PPARGC1A: variants seen among roughly 807,000 people sequenced by gnomAD.
PPARGC1A encodes PPARG coactivator 1 alpha.
In PPARGC1A, 25 loss-of-function variants were observed where a neutral mutation model predicts 88.7. The ratio of observed to expected loss-of-function variants is 0.28; its 90% CI spans 0.21 to 0.39. The LOEUF is 0.39. Ranked by LOEUF, PPARGC1A falls within the 10% of genes least tolerant of loss-of-function variation. The pLI is 1.00. For synonymous variants in PPARGC1A, 363 were observed against 355.6 expected (o/e 1.02, Z -0.24); for missense variants, 880 against 968.7 (o/e 0.91, Z 1.22).
chr4:24,371,683 G>A, the PPARGC1A span, among the ~76,000 whole-genome samples: 1 of 151,804 alleles, frequency 6.6e-6, no homozygotes, highest in African/African-American at 2.4e-5. Flanking sequence ...GCTCATGCCT[G>A]TAATCCCAGC....
the PPARGC1A span, among the ~76,000 whole-genome samples, chr4:24,406,819 T>C: frequency 6.6e-6 from 1 of 152,168 alleles, no homozygotes; most frequent in South Asian, 2.1e-4. Context: ...GAGACCACAT[T>C]GAGCCTGGCC....
chr4:24,114,872 T>A, the PPARGC1A span, among the ~76,000 whole-genome samples: 1 of 152,156 alleles, frequency 6.6e-6, no homozygotes, highest in Non-Finnish European at 1.5e-5. Flanking sequence ...GAATCTTGTG[T>A]AGGCCATTCT....
the PPARGC1A span, among the ~76,000 whole-genome samples, chr4:24,238,661 A>G: frequency 2.0e-5 from 3 of 152,010 alleles, no homozygotes; most frequent in Admixed American, 6.6e-5. Context: ...GCTTCTCAAG[A>G]ACATTTTACC....
chr4:24,143,649 T>C, the PPARGC1A span, among the ~76,000 whole-genome samples: 27 of 151,892 alleles, frequency 1.8e-4, no homozygotes, highest in African/African-American at 4.9e-5. Flanking sequence ...AGATGATAGA[T>C]AGACAAATGT....
the PPARGC1A span, among the ~76,000 whole-genome samples, chr4:24,467,078 AAGGGAG>A: frequency 7.4e-6 from 1 of 136,024 alleles, no homozygotes. Context: ...GAAAGAAAGA[AAGGGAG>A]AGAGAGAGAG....
At chr4:24,381,684 C>T in the PPARGC1A span, among the ~76,000 whole-genome samples, 3 of 152,068 alleles carry the variant, frequency 2.0e-5, no homozygotes, top group African/African-American at 7.2e-5. Flanking sequence ...AAGAGTTGAC[C>T]AATATAAAGA....
chr4:24,059,381 A>G, the PPARGC1A span, among the ~76,000 whole-genome samples: 4 of 152,314 alleles, frequency 2.6e-5, no homozygotes, highest in African/African-American at 9.6e-5. Context: ...TAGAGGATTA[A>G]TGCTCACCCA....
At chr4:24,275,082 C>T in the PPARGC1A span, among the ~76,000 whole-genome samples, 137 of 152,334 alleles carry the variant, frequency 9.0e-4, no homozygotes, top group Non-Finnish European at 1.6e-3. Flanking sequence ...AGCCCTCACA[C>T]GGGAAGTACT....
At chr4:24,357,265 G>A in the PPARGC1A span, among the ~76,000 whole-genome samples, 1 of 152,198 alleles carries the variant, frequency 6.6e-6, no homozygotes, top group Non-Finnish European at 1.5e-5. Context: ...CTTAAGGTCA[G>A]CTTCTGGGGG....
chr4:24,091,542 A>T, the PPARGC1A span: 1 of 985,344 alleles, frequency 1.0e-6, no homozygotes, highest in African/African-American at 1.7e-5. Context: ...TCCATTGCTG[A>T]TGCTGCTTGC....
At chr4:23,925,527 CA>C in the PPARGC1A span, among the ~76,000 whole-genome samples, 4 of 151,906 alleles carry the variant, frequency 2.6e-5, no homozygotes, top group African/African-American at 9.7e-5. Flanking sequence ...AAGTGCCGCT[CA>C]AAATAAAAGA....
chr4:24,348,616 AT>A, the PPARGC1A span, among the ~76,000 whole-genome samples: 1 of 151,966 alleles, frequency 6.6e-6, no homozygotes, highest in Non-Finnish European at 1.5e-5. Flanking sequence ...TTTCCAGAGC[AT>A]TTTGCATTTC....
Position 23,793,982 on chromosome 4 carries a change from AAT to A in PPARGC1A, c.*1838_*1839del, listed in dbSNP as rs750060975. On this transcript the variant is annotated 3_prime_UTR_variant, in exon 13 of 13. Transcript: ENST00000264867. The stretch of plus-strand genomic sequence containing the variant: ...GTCTCTTTAGTAAACAAAGGAATGA[AAT>A]ATCAGTATTTATACAGGATGCATAA... 4.6e-5 allele frequency: 7 copies of A among 152,628 alleles called. No individual in the cohort carries two copies. Among genetic ancestry groups the A allele is most frequent in the Admixed American group, 2.0e-4 (3 of 15,262 alleles). 9.5% of individuals were successfully genotyped at this position (152,628 alleles called of 1,614,324 possible).
intron 2 of PPARGC1A, among the ~76,000 whole-genome samples, chr4:23,855,639 A>C (rs1730064116): frequency 6.6e-6 from 1 of 152,242 alleles, no homozygotes; most frequent in African/African-American, 2.4e-5. Flanking sequence ...TGAGTTAAGT[A>C]ATGATACTGG....
chr4:24,112,148 G>A, the PPARGC1A span, among the ~76,000 whole-genome samples: 4 of 152,106 alleles, frequency 2.6e-5, no homozygotes, highest in Admixed American at 1.3e-4. Flanking sequence ...CTCTAAGTCA[G>A]GAATGACAAG....
intron 2 of PPARGC1A, among the ~76,000 whole-genome samples, chr4:23,843,800 T>G (rs73097618): frequency 0.086 from 13,046 of 152,062 alleles, 637 homozygotes; most frequent in East Asian, 0.19. Flanking sequence ...ACATGATCAC[T>G]GACTGCTTGC....
chr4:24,311,496 C>T, the PPARGC1A span, among the ~76,000 whole-genome samples: 3 of 151,320 alleles, frequency 2.0e-5, no homozygotes, highest in East Asian at 4.0e-4. Flanking sequence ...AAAAATTAGC[C>T]GGGCGCAGTG....
chr4:24,018,823 C>T, the PPARGC1A span, among the ~76,000 whole-genome samples: 151 of 152,060 alleles, frequency 9.9e-4, 1 homozygote, highest in Non-Finnish European at 8.8e-4. Context: ...GGGGACCTCA[C>T]CTCATTTTAA....
the PPARGC1A span, among the ~76,000 whole-genome samples, chr4:23,997,091 A>T: frequency 2.5e-4 from 38 of 152,314 alleles, no homozygotes; most frequent in African/African-American, 8.4e-4. Flanking sequence ...TCTTCTGGTT[A>T]AGATTTGAGT....
Sources: gnomAD v4.1 joint callset for allele counts (sites outside exome capture counted in the v4.1 genomes callset) on GRCh38, gnomAD v4.1.1 for gene constraint, MANE v1.5 for transcripts, NCBI Gene and HGNC (gene_info 2026-07-23, HGNC 2026-07-21) for gene names.